The following PSD3 variants were observed in gnomAD, a reference collection of about 807,000 sequenced individuals.
PSD3 encodes pleckstrin and Sec7 domain containing 3, also known as PH and SEC7 domain-containing protein 3.
PSD3 carries 49 observed loss-of-function variants against 105.5 expected under a neutral mutation model. That is an observed-to-expected ratio of 0.46 (90% CI 0.37 to 0.59). PSD3 has a LOEUF of 0.59. PSD3 is among the 20% of genes least tolerant of loss of function. The pLI is 0.00. For missense variants in PSD3, 1,561 were observed against 1,263.8 expected (o/e 1.24, Z -3.57); for synonymous variants, 557 against 457.8 (o/e 1.22, Z -2.77).
chr8:19,060,198 A>T (rs530833875), intron 1 of PSD3, among the ~76,000 whole-genome samples: 4 of 152,326 alleles, frequency 2.6e-5, no homozygotes, highest in Non-Finnish European at 4.4e-5. Context: ...GAATTTAAGG[A>T]TTATGTGGAT....
intron 1 of PSD3, among the ~76,000 whole-genome samples, chr8:18,945,655 A>C (rs889274953): frequency 2.0e-5 from 3 of 152,248 alleles, no homozygotes; most frequent in African/African-American, 7.2e-5. Context: ...TATCTACATT[A>C]TCTCTACATC....
At chr8:18,617,064 TG>T (rs1805746562) in intron 11 of PSD3, among the ~76,000 whole-genome samples, 6 of 152,184 alleles carry the variant, frequency 3.9e-5, no homozygotes, top group African/African-American at 1.4e-4. Flanking sequence ...TTAATAAATT[TG>T]TACACCTTTT....
chr8:19,064,379 AT>A (rs1221794937), intron 1 of PSD3, among the ~76,000 whole-genome samples: 1 of 152,044 alleles, frequency 6.6e-6, no homozygotes, highest in Non-Finnish European at 1.5e-5. Context: ...TTAATTATCT[AT>A]TTTTAACTGT....
intron 8 of PSD3, among the ~76,000 whole-genome samples, chr8:18,791,521 G>A (rs1361436208): frequency 2.0e-5 from 3 of 152,190 alleles, no homozygotes; most frequent in African/African-American, 4.8e-5. Context: ...AAACTGGGTA[G>A]CCATACGCAG....
chr8:18,670,691 G>C (rs976677149), intron 9 of PSD3, among the ~76,000 whole-genome samples: 2 of 152,140 alleles, frequency 1.3e-5, no homozygotes, highest in South Asian at 2.1e-4. Context: ...AAGCTAAGAA[G>C]GAGGTAAATA....
At chr8:19,016,207 G>A (rs565790511), upstream of PSD3, among the ~76,000 whole-genome samples, 159 of 152,244 alleles carry the variant, frequency 1.0e-3, no homozygotes, top group African/African-American at 3.7e-3. Flanking sequence ...ACAAGCACCC[G>A]CCTTGGTAAA....
chr8:18,867,636 A>T lies in PSD3; in HGVS notation c.1634+38T>A, dbSNP rs1304901410. 2.6e-6 allele frequency: 4 copies of T among 1,543,908 alleles called. No homozygotes were observed. In the Admixed American group the frequency reaches 6.1e-5, roughly 24 times the overall value. On this transcript the variant is annotated intron_variant, in intron 4 of 15. Transcript: ENST00000327040. ...TTTCCCAGAAAAGAAATCCTACAAA[A>T]ACCACCAGCATGAAATGAATGAGAA... is the stretch of plus-strand genomic sequence containing the variant.
intron 9 of PSD3, among the ~76,000 whole-genome samples, chr8:18,764,301 A>G (rs2129443531): frequency 6.6e-6 from 1 of 152,294 alleles, no homozygotes; most frequent in Non-Finnish European, 1.5e-5. Context: ...GAAGATGTAA[A>G]ACATCTTTAT....
At chr8:18,985,930 A>G (rs766877354) in intron 1 of PSD3, among the ~76,000 whole-genome samples, 24 of 152,012 alleles carry the variant, frequency 1.6e-4, no homozygotes, top group Non-Finnish European at 3.2e-4. Flanking sequence ...TTATTATTAT[A>G]GTTTGCTGTC....
chr8:18,914,020 T>A (rs1040913381), intron 2 of PSD3, among the ~76,000 whole-genome samples: 1 of 151,798 alleles, frequency 6.6e-6, no homozygotes, highest in Admixed American at 6.6e-5. Context: ...AAACCCAGGC[T>A]CCAGACTTGA....
chr8:18,616,196 G>C (rs531873958), intron 11 of PSD3, among the ~76,000 whole-genome samples: 1 of 152,222 alleles, frequency 6.6e-6, no homozygotes, highest in South Asian at 2.1e-4. Flanking sequence ...GCTGCTCCAC[G>C]ATGGCCTCTT....
intron 2 of PSD3, among the ~76,000 whole-genome samples, chr8:18,890,214 C>A (rs1818701285): frequency 6.6e-6 from 1 of 151,994 alleles, no homozygotes; most frequent in South Asian, 2.1e-4. Context: ...ACTTTTCCTT[C>A]ATTGAACAAG....
intron 7 of PSD3, among the ~76,000 whole-genome samples, chr8:18,800,408 A>G (rs925551666): frequency 6.6e-6 from 1 of 152,200 alleles, no homozygotes; most frequent in Non-Finnish European, 1.5e-5. Flanking sequence ...TGAGGCAAGC[A>G]CCTTGGCCAA....
At chr8:18,672,088 T>C (rs1018020885) in intron 9 of PSD3, among the ~76,000 whole-genome samples, 1 of 152,242 alleles carries the variant, frequency 6.6e-6, no homozygotes, top group African/African-American at 2.4e-5. Context: ...TGATGAAATT[T>C]GTTAATGTCC....
intron 9 of PSD3, among the ~76,000 whole-genome samples, chr8:18,738,697 T>C (rs758368208): frequency 3.9e-5 from 6 of 152,144 alleles, no homozygotes; most frequent in Non-Finnish European, 7.3e-5. Flanking sequence ...AGCCACCTGA[T>C]AACTCCATGA....
chr8:18,736,007 T>C (rs944338390), intron 9 of PSD3, among the ~76,000 whole-genome samples: 1 of 152,178 alleles, frequency 6.6e-6, no homozygotes, highest in African/African-American at 2.4e-5. Context: ...CAAAAAACAA[T>C]CTAACTATAA....
intron 10 of PSD3, among the ~76,000 whole-genome samples, chr8:18,652,480 A>G (rs1331821140): frequency 6.8e-6 from 1 of 147,300 alleles, no homozygotes; most frequent in Non-Finnish European, 1.5e-5. Flanking sequence ...ACTTTTATCA[A>G]GGAAAAAGCT....
intron 1 of PSD3, among the ~76,000 whole-genome samples, chr8:19,045,936 T>A (rs1051916938): frequency 6.6e-6 from 1 of 152,246 alleles, no homozygotes; most frequent in Non-Finnish European, 1.5e-5. Context: ...TCATTTCTTT[T>A]AAATCTCCTT....
intron 9 of PSD3, chr8:18,683,626 C>T: frequency 1.7e-6 from 1 of 574,942 alleles, no homozygotes; most frequent in Non-Finnish European, 3.1e-6. Flanking sequence ...ATCCGTTTCA[C>T]CTGATCGCAC....
Sources: allele counts gnomAD v4.1 joint callset (sites outside exome capture counted in the v4.1 genomes callset), GRCh38; gene constraint gnomAD v4.1.1; transcripts MANE v1.5; gene names NCBI Gene and HGNC (gene_info 2026-07-23, HGNC 2026-07-21).